CATSPERE: variants seen among roughly 807,000 people sequenced by gnomAD.
The protein encoded by CATSPERE is catsper channel auxiliary subunit epsilon, also known as cation channel sperm-associated auxiliary subunit epsilon.
In CATSPERE, 93 loss-of-function variants were observed where a neutral mutation model predicts 114.1. That is an observed-to-expected ratio of 0.81 (90% CI 0.69 to 0.97). The LOEUF (loss-of-function observed/expected upper bound fraction) is 0.97. Among genes scored for constraint, CATSPERE ranks in the 50% least tolerant of loss-of-function variants. The pLI is 0.00. For missense variants in CATSPERE, 1,058 were observed against 1,131.6 expected (o/e 0.93, Z 0.93); for synonymous variants, 341 against 384.1 (o/e 0.89, Z 1.31).
At chr1:244,468,199 T>C (rs1254041471) in intron 2 of CATSPERE, among the ~76,000 whole-genome samples, 1 of 152,000 alleles carries the variant, frequency 6.6e-6, no homozygotes, top group East Asian at 1.9e-4. Context: ...TTCAAGCAAT[T>C]CTTCTGCCTC....
intron 19 of CATSPERE, among the ~76,000 whole-genome samples, chr1:244,612,785 C>T (rs1670905477): frequency 6.6e-6 from 1 of 152,116 alleles, no homozygotes; most frequent in Admixed American, 6.5e-5. Context: ...CCTCAGCCTC[C>T]CAAGTAGCTG....
chr1:244,577,855 G>A (rs150862949), intron 11 of CATSPERE, among the ~76,000 whole-genome samples: 71 of 152,168 alleles, frequency 4.7e-4, no homozygotes, highest in East Asian at 3.9e-3. Flanking sequence ...GGCATTATAC[G>A]TATTTCAAGG....
At chr1:244,621,067 TATA>T (rs1291923491) in intron 20 of CATSPERE, among the ~76,000 whole-genome samples, 237 of 57,142 alleles carry the variant, frequency 4.1e-3, no homozygotes, top group African/African-American at 0.015. Context: ...TATAAATATA[TATA>T]AAATATATAT....
At position 244,575,642 on chromosome 1, in the gene CATSPERE, C is replaced by T. The variant is rs1324132920; in HGVS notation, c.1950+2870C>T. 6.6e-6 allele frequency among the ~76,000 whole-genome samples: 1 copy of T among 152,122 alleles called. No individual in the cohort carries two copies. Among genetic ancestry groups the T allele is most frequent in the Non-Finnish European group, 1.5e-5 (1 of 68,030 alleles). ...CAACAATGTGGAGCTGCGCTTGCTG[C>T]TGTTGCTCTCTTTCTCTCTAACTTC... On this transcript the variant is annotated intron_variant, in intron 11 of 21. Coordinates refer to ENST00000366534, the MANE Select transcript of CATSPERE (RefSeq NM_001130957.2). This position sits in a 1 kb window ranked among gnomAD's most constrained non-coding sequence, Gnocchi z 4.5.
At chr1:244,490,679 C>T (rs960790922) in intron 6 of CATSPERE, among the ~76,000 whole-genome samples, 1 of 151,774 alleles carries the variant, frequency 6.6e-6, no homozygotes, top group African/African-American at 2.4e-5. Context: ...TGGATCTTCC[C>T]CCCTTTTACT....
At chr1:244,571,665 G>A (rs188454106) in intron 10 of CATSPERE, among the ~76,000 whole-genome samples, 37 of 152,216 alleles carry the variant, frequency 2.4e-4, no homozygotes, top group African/African-American at 7.9e-4. Context: ...CCCACAGACT[G>A]GGCAGCTTAA....
intron 18 of CATSPERE, among the ~76,000 whole-genome samples, chr1:244,608,008 G>A (rs1241037219): frequency 6.6e-6 from 1 of 152,176 alleles, no homozygotes; most frequent in African/African-American, 2.4e-5. Flanking sequence ...TCAGGAGGCT[G>A]AGACAGGAGA....
chr1:244,623,885 T>C (rs981200257), intron 20 of CATSPERE, among the ~76,000 whole-genome samples: 5 of 152,178 alleles, frequency 3.3e-5, no homozygotes, highest in African/African-American at 1.2e-4. Flanking sequence ...AATCTTTTTG[T>C]TGATGGAGGG....
At chr1:244,481,682 T>C (rs1361671476) in intron 5 of CATSPERE, among the ~76,000 whole-genome samples, 1 of 152,142 alleles carries the variant, frequency 6.6e-6, no homozygotes, top group African/African-American at 2.4e-5. Context: ...TATCTGAAGG[T>C]CACGCCTTTG....
chr1:244,500,678 G>A (rs184731536), intron 7 of CATSPERE, among the ~76,000 whole-genome samples: 41 of 152,218 alleles, frequency 2.7e-4, no homozygotes, highest in East Asian at 2.3e-3. Context: ...TATTTCTGAG[G>A]CCTCTGTTCT....
chr1:244,639,834 T>C, intron 21 of CATSPERE, 94 bp from the exon 22 acceptor site: 2 of 1,143,162 alleles, frequency 1.7e-6, no homozygotes, highest in Admixed American at 2.5e-5. Context: ...GTCAATGGCA[T>C]AGTAGCTAGC....
At chr1:244,528,473 G>A (rs1241060657) in intron 8 of CATSPERE, among the ~76,000 whole-genome samples, 1 of 151,980 alleles carries the variant, frequency 6.6e-6, no homozygotes, top group Non-Finnish European at 1.5e-5. Context: ...GTTTAGTACT[G>A]GGTAAACTAG....
chr1:244,536,175 G>A lies in CATSPERE; in HGVS notation c.537-16147G>A, dbSNP rs916146983. ...GTATGCTTCCCTCTCCTCTCCTCAAGCAGAAGGAAGGAGTCTCTTTCATAG... is the reference window on the plus strand; with the variant it reads ...GTATGCTTCCCTCTCCTCTCCTCAAACAGAAGGAAGGAGTCTCTTTCATAG... On this transcript the variant is annotated intron_variant, in intron 8 of 21. Transcript: ENST00000366534. Among the ~76,000 whole-genome samples the A allele has an allele frequency of 4.6e-5, 7 of 151,692 alleles. No homozygotes were observed. In the South Asian group the frequency reaches 1.0e-3, roughly 23 times the overall value.
In CATSPERE at chr1:244,635,395, A is replaced by C. The variant is rs1449825195; in HGVS notation, c.2649-94A>C. On this transcript the variant is annotated intron_variant, in intron 20 of 21. Transcript: ENST00000366534. ...AGAAAATGACACCTTAACTAGGATTATATATGGTTTGATTGTTACCATAGG... is the reference window on the plus strand; with the variant it reads ...AGAAAATGACACCTTAACTAGGATTCTATATGGTTTGATTGTTACCATAGG... The C allele has an allele frequency of 9.3e-6, 8 of 859,834 alleles. No individual in the cohort carries two copies. The East Asian group carries it at 2.0e-4, about 22-fold the overall frequency. 53.3% of individuals were successfully genotyped at this position (859,834 alleles called of 1,614,324 possible).
At position 244,595,183 on chromosome 1, in the gene CATSPERE, G is replaced by A. The variant is rs372677704; in HGVS notation, c.2303+1605G>A. On this transcript the variant is annotated intron_variant, in intron 17 of 21. Transcript: ENST00000366534. Reference sequence around the variant, plus strand: ...AGGCCCTGGAAATGGAAAGATAAGTGACAGGATTTCTACCCTCAGAAGCAG... The same window carrying A: ...AGGCCCTGGAAATGGAAAGATAAGTAACAGGATTTCTACCCTCAGAAGCAG... 1.1e-4 allele frequency among the ~76,000 whole-genome samples: 16 copies of A among 152,302 alleles called. 1 individual carries two copies. The South Asian group carries it at 1.5e-3, about 14-fold the overall frequency.
chr1:244,503,817 C>G (rs1674429863), intron 7 of CATSPERE, among the ~76,000 whole-genome samples: 2 of 152,158 alleles, frequency 1.3e-5, no homozygotes, highest in Non-Finnish European at 2.9e-5. Context: ...GCGATCCACC[C>G]ACCTCAGCCT....
intron 7 of CATSPERE, 36 bp downstream of exon 7, chr1:244,499,115 A>T: frequency 6.7e-7 from 1 of 1,484,846 alleles, no homozygotes; most frequent in South Asian, 1.1e-5. Context: ...TAGTAAGAAC[A>T]GAATGCTGCC....
At chr1:244,464,040 G>C (rs1205452373) in intron 2 of CATSPERE, 84 bp downstream of exon 2, 18 of 975,426 alleles carry the variant, frequency 1.8e-5, no homozygotes, top group Non-Finnish European at 2.7e-5. Context: ...ATCATATTGA[G>C]TTTTACAGTC....
At position 244,480,872 on chromosome 1, in the gene CATSPERE, C is replaced by T. The variant is rs117553497; in HGVS notation, c.326+1088C>T. 2.7e-4 allele frequency among the ~76,000 whole-genome samples: 41 copies of T among 152,256 alleles called. No individual in the cohort carries two copies. The East Asian group carries it at 5.4e-3, about 20-fold the overall frequency. The stretch of plus-strand genomic sequence containing the variant: ...ATTGAGTCTCTGCTACTCATGAAAC[C>T]GGCAGGCTTCTGTCCTTGTTGGCAC... On this transcript the variant is annotated intron_variant, in intron 5 of 21. Transcript: ENST00000366534.
Sources: gnomAD v4.1 joint callset for allele counts (sites outside exome capture counted in the v4.1 genomes callset) on GRCh38, gnomAD v4.1.1 for gene constraint, Gnocchi (gnomAD v3.1) non-coding constraint, MANE v1.5 for transcripts, NCBI Gene and HGNC (gene_info 2026-07-23, HGNC 2026-07-21) for gene names.